Variants in FAN1 observed in about 807,000 individuals in gnomAD.
FAN1 encodes the protein FANCD2 and FANCI associated nuclease 1, also known as fanconi-associated nuclease 1.
A neutral mutation model predicts 104.9 loss-of-function variants in FAN1; 91 were observed. That is an observed-to-expected ratio of 0.87 (90% confidence interval 0.73 to 1.03). FAN1 has a LOEUF of 1.03. Among genes scored for constraint, FAN1 ranks in the 50% least tolerant of loss-of-function variants. The probability of loss-of-function intolerance (pLI) is 0.00; values close to 1 mark genes in which losing one functional copy is unlikely to be tolerated. For missense variants in FAN1, 1,263 were observed against 1,239.9 expected, an observed-to-expected ratio of 1.02 and a Z score of -0.28; for synonymous variants, 478 against 457.6, an observed-to-expected ratio of 1.04 and a Z score of -0.57.
In FAN1 at chr15:30,942,238, G is replaced by GAATT. The variant is rs1212684003; in HGVS notation, c.*678_*681dup. The GAATT allele has an allele frequency of 2.2e-5, 19 of 869,226 alleles. No individual in the cohort carries two copies. The highest frequency in any genetic ancestry group is 3.6e-4 in the Middle Eastern group (1 of 2,812). 53.8% of individuals were successfully genotyped at this position (869,226 alleles called of 1,614,324 possible). Reference sequence around the variant, plus strand: ...TCCTTATTCTAATCCTCCTCCCCTGGAATTACACTTTTTTATGTGTTGACT... The same window carrying GAATT: ...TCCTTATTCTAATCCTCCTCCCCTGGAATTAATTACACTTTTTTATGTGTTGACT... On this transcript the variant is annotated 3_prime_UTR_variant, in exon 15 of 15. Coordinates refer to ENST00000362065, the MANE Select transcript of FAN1 (RefSeq NM_014967.5).
intron 11 of FAN1, 61 bp from the exon 12 acceptor site, chr15:30,929,142 C>T (rs1323492419): frequency 2.0e-6 from 3 of 1,473,488 alleles, no homozygotes; most frequent in Admixed American, 1.9e-5. Flanking sequence ...ACTGACTAGT[C>T]CTCTGGTGAA....
At chr15:30,932,930 C>T (rs1193964961) in intron 13 of FAN1, among the ~76,000 whole-genome samples, 1 of 150,624 alleles carries the variant, frequency 6.6e-6, no homozygotes, top group African/African-American at 2.4e-5. Flanking sequence ...GCCATGTTGG[C>T]CAGGCTGGTC....
intron 5 of FAN1, 78 bp from the exon 6 acceptor site, chr15:30,918,086 G>A (rs1595846243): frequency 7.1e-7 from 1 of 1,409,288 alleles, no homozygotes; most frequent in East Asian, 2.3e-5. Flanking sequence ...CTTTCAGAGT[G>A]AGATCTAGTG....
At position 30,905,033 on chromosome 15, in the gene FAN1, A is replaced by C. The variant is rs748650687; in HGVS notation, c.370A>C (p.Lys124Gln). The change falls in exon 2 of 15, where the codon AAG becomes CAG. Residue 124 changes from lysine to glutamine, a missense_variant. By Grantham distance (53) the Lys-to-Gln change is moderately conservative (BLOSUM62 1). Coordinates refer to ENST00000362065, the MANE Select transcript of FAN1 (RefSeq NM_014967.5). ...SDSAKREVKQKISPYFKSNDV... is the reference protein window; with the variant it reads ...SDSAKREVKQQISPYFKSNDV... ...TTCAGCAAAAAGGGAAGTAAAGCAG[A>C]AGATCAGTCCCTACTTTAAAAGTAA... 1.2e-6 allele frequency: 2 copies of C among 1,614,024 alleles called. No homozygotes were observed. The highest frequency in any genetic ancestry group is 2.2e-5 in the South Asian group (2 of 91,086).
intron 6 of FAN1, among the ~76,000 whole-genome samples, chr15:30,918,952 CTTAA>C (rs1367410257): frequency 4.6e-5 from 7 of 152,174 alleles, no homozygotes; most frequent in Non-Finnish European, 8.8e-5. Flanking sequence ...TTCCCCACTA[CTTAA>C]TTAATAGCTT....
chr15:30,928,703 C>T (rs746945535), intron 11 of FAN1, 47 bp downstream of exon 11: 41 of 1,611,140 alleles, frequency 2.5e-5, no homozygotes, highest in African/African-American at 1.2e-4. Flanking sequence ...TGCACACATC[C>T]GTGGCTCACG....
chr15:30,913,209 T>A (rs2062133955), intron 4 of FAN1, among the ~76,000 whole-genome samples: 1 of 152,180 alleles, frequency 6.6e-6, no homozygotes, highest in South Asian at 2.1e-4. Flanking sequence ...GTGTGAACCC[T>A]ATTGTGAACT....
chr15:30,929,197 A>C lies in FAN1; in HGVS notation c.2593-6A>C, dbSNP rs572828888. The C allele has an allele frequency of 9.3e-6, 15 of 1,609,920 alleles. No homozygotes were observed. The highest frequency in any genetic ancestry group is 3.7e-4 in the Middle Eastern group (2 of 5,380). On this transcript the variant is annotated splice_region_variant and splice_polypyrimidine_tract_variant and intron_variant, in intron 11 of 14. Transcript: ENST00000362065. ...AGTATGACAGCTTGCTTTCCCTGTG[A>C]CACAGGCATTCCCCCTGGACTTGTG... is the stretch of plus-strand genomic sequence containing the variant.
At chr15:30,911,586 A>G in intron 4 of FAN1, 1 of 956,420 alleles carries the variant, frequency 1.0e-6, no homozygotes. Context: ...AGCTCGTGTT[A>G]TAGATTTTTA....
chr15:30,932,744 C>T (rs1363856780), intron 13 of FAN1, among the ~76,000 whole-genome samples: 14 of 141,310 alleles, frequency 9.9e-5, no homozygotes, highest in South Asian at 2.2e-4. Context: ...GATGGAGTCT[C>T]GCTCTGTCGC....
At chr15:30,939,711 T>C (rs1210316371) in intron 14 of FAN1, 2 of 974,166 alleles carry the variant, frequency 2.1e-6, no homozygotes, top group East Asian at 1.1e-4. Flanking sequence ...ATCCAAAACA[T>C]TTAGTAATAA....
intron 2 of FAN1, chr15:30,906,325 ACAAAC>A (rs1237928006): frequency 4.4e-6 from 2 of 459,758 alleles, no homozygotes; most frequent in Admixed American, 4.7e-5. Context: ...CAGGAAGAAA[ACAAAC>A]CAACCTGAGG....
At chr15:30,920,160 T>C (rs901040289) in intron 6 of FAN1, among the ~76,000 whole-genome samples, 9 of 152,252 alleles carry the variant, frequency 5.9e-5, no homozygotes, top group Non-Finnish European at 1.2e-4. Context: ...TTTGTGGACA[T>C]TGAAATTTCA....
chr15:30,939,996 A>T, intron 14 of FAN1: 1 of 978,038 alleles, frequency 1.0e-6, no homozygotes, highest in South Asian at 4.7e-5. Flanking sequence ...AAAGGCAAAT[A>T]ATTCAAAAAG....
intron 8 of FAN1, 123 bp from the exon 9 acceptor site, chr15:30,925,003 TG>T: frequency 1.1e-6 from 1 of 944,748 alleles, no homozygotes; most frequent in Non-Finnish European, 1.6e-6. Flanking sequence ...CTAGAAGTGC[TG>T]TTTGCTCATT....
Position 30,922,231 on chromosome 15 carries a change from A to G in FAN1, c.2053-4A>G. The G allele has an allele frequency of 1.2e-6, 2 of 1,602,882 alleles. No homozygotes were observed. Among genetic ancestry groups the G allele is most frequent in the Non-Finnish European group, 1.7e-6 (2 of 1,177,464 alleles). On this transcript the variant is annotated splice_region_variant and splice_polypyrimidine_tract_variant and intron_variant, in intron 7 of 14. Coordinates refer to ENST00000362065, the MANE Select transcript of FAN1 (RefSeq NM_014967.5). ...ATGAGGTTTCTTTGTTATTGTTGCAATAGGAAGCCGTCAGAGAACTTGAAA... is the reference window on the plus strand; with the variant it reads ...ATGAGGTTTCTTTGTTATTGTTGCAGTAGGAAGCCGTCAGAGAACTTGAAA...
In FAN1 at chr15:30,941,759, A is replaced by G; in HGVS notation, c.*197A>G. On this transcript the variant is annotated 3_prime_UTR_variant, in exon 15 of 15. Coordinates refer to ENST00000362065, the MANE Select transcript of FAN1 (RefSeq NM_014967.5). ...GTCGACTTCATCAGCCAGGAGGGAGAGCTTGTGAAAGGCTGTGATGGAGCC... is the reference window on the plus strand; with the variant it reads ...GTCGACTTCATCAGCCAGGAGGGAGGGCTTGTGAAAGGCTGTGATGGAGCC... 6.2e-7 allele frequency: 1 copy of G among 1,613,818 alleles called. No homozygotes were observed. The highest frequency in any genetic ancestry group is 8.5e-7 in the Non-Finnish European group (1 of 1,179,858).
chr15:30,937,330 A>G, intron 14 of FAN1, 71 bp downstream of exon 14: 1 of 1,440,256 alleles, frequency 6.9e-7, no homozygotes, highest in Non-Finnish European at 9.5e-7. Flanking sequence ...GTTTTATTTA[A>G]TTTTGTTATC....
intron 7 of FAN1, 39 bp from the exon 8 acceptor site, chr15:30,922,196 T>G (rs769860882): frequency 3.8e-6 from 6 of 1,591,844 alleles, no homozygotes; most frequent in South Asian, 2.3e-5. Flanking sequence ...CTGGATTTTT[T>G]GTGAATCTAA....
Sources: gnomAD v4.1 joint callset for allele counts (sites outside exome capture counted in the v4.1 genomes callset) on GRCh38, gnomAD v4.1.1 for gene constraint, MANE v1.5 for transcripts, NCBI Gene and HGNC (gene_info 2026-07-23, HGNC 2026-07-21) for gene names.